Variants in ITGA2 observed in about 807,000 individuals in gnomAD.
ITGA2 encodes the protein integrin subunit alpha 2.
Under a neutral mutation model 146.3 loss-of-function variants are expected in ITGA2, and 101 were observed. That is an observed-to-expected ratio of 0.69 (90% confidence interval 0.59 to 0.81). ITGA2 has a LOEUF of 0.81. Ranked by LOEUF, ITGA2 falls within the 40% of genes least tolerant of loss-of-function variation. ITGA2 has a pLI of 0.00. For synonymous variants in ITGA2, 477 were observed against 487.1 expected (o/e 0.98, Z 0.27); for missense variants, 1,281 against 1,402.7 (o/e 0.91, Z 1.39).
chr5:52,992,233 G>T (rs376654767), intron 1 of ITGA2, among the ~76,000 whole-genome samples: 3 of 151,508 alleles, frequency 2.0e-5, no homozygotes, highest in African/African-American at 2.4e-5. Flanking sequence ...TCCTTTCCTC[G>T]CTGCTCTCCC....
chr5:53,038,113 T>C (rs1041612483), intron 2 of ITGA2, among the ~76,000 whole-genome samples: 3 of 150,968 alleles, frequency 2.0e-5, no homozygotes, highest in African/African-American at 7.3e-5. Flanking sequence ...ACAGGGAGAG[T>C]GTCCAGGGAG....
rs1308828469 is a variant in ITGA2 at position 53,090,602 on chromosome 5, C to T, written c.*3C>T. ...AGACCACAGAGCTCAGTAGCTGAAC[C>T]AGCAGACCTACCTGCAGTGGGAACC... is the stretch of plus-strand genomic sequence containing the variant. On this transcript the variant is annotated 3_prime_UTR_variant, in exon 30 of 30. Coordinates refer to ENST00000296585, the MANE Select transcript of ITGA2 (RefSeq NM_002203.4). The T allele has an allele frequency of 6.2e-7, 1 of 1,612,494 alleles. No homozygotes were observed. Among genetic ancestry groups the T allele is most frequent in the South Asian group, 1.1e-5 (1 of 91,034 alleles).
intron 1 of ITGA2, among the ~76,000 whole-genome samples, chr5:53,009,704 G>T (rs1454717817): frequency 2.0e-5 from 3 of 152,078 alleles, no homozygotes; most frequent in African/African-American, 7.2e-5. Context: ...CTGAATGTTT[G>T]TGTCTCTCCA....
rs116711458 is a variant in ITGA2, at chr5:53,004,444, G to A, written c.64+14912G>A. ...TATTTAAAAAAAAATCAGTACACTT[G>A]GTATGCATCCATTTTTATCATCATT... On this transcript the variant is annotated intron_variant, in intron 1 of 29. Coordinates refer to ENST00000296585, the MANE Select transcript of ITGA2 (RefSeq NM_002203.4). Among the ~76,000 whole-genome samples the A allele has an allele frequency of 6.0e-3, 906 of 152,116 alleles. 10 individuals carry two copies. The highest frequency in any genetic ancestry group is 0.021 in the African/African-American group (863 of 41,486).
chr5:53,051,634 A>C lies in ITGA2; in HGVS notation c.779+75A>C. Reference sequence around the variant, plus strand: ...ATTTATGTAATAAATATGAAAAAGTAAGGAAAAGACAAAGAAAAATAATAT... The same window carrying C: ...ATTTATGTAATAAATATGAAAAAGTCAGGAAAAGACAAAGAAAAATAATAT... On this transcript the variant is annotated intron_variant, in intron 7 of 29. Coordinates refer to ENST00000296585, the MANE Select transcript of ITGA2 (RefSeq NM_002203.4). The C allele has an allele frequency of 4.1e-6, 6 of 1,461,540 alleles. No individual in the cohort carries two copies. In the South Asian group the frequency reaches 7.1e-5, roughly 17 times the overall value. The allele number at this position is 1,461,540 out of a possible 1,614,324, so 90.5% of individuals were successfully genotyped here.
chr5:53,079,812 T>G (rs1450603897), intron 24 of ITGA2, among the ~76,000 whole-genome samples: 1 of 152,128 alleles, frequency 6.6e-6, no homozygotes, highest in African/African-American at 2.4e-5. Context: ...TATCAAGTGC[T>G]TTACATATGT....
At chr5:53,012,318 G>T (rs1742175166) in intron 1 of ITGA2, among the ~76,000 whole-genome samples, 1 of 152,058 alleles carries the variant, frequency 6.6e-6, no homozygotes, top group South Asian at 2.1e-4. Flanking sequence ...TCTGTTCCTG[G>T]CACCAGATAG....
chr5:53,090,441 G>A lies in ITGA2; in HGVS notation c.3466-78G>A, dbSNP rs187211734. On this transcript the variant is annotated intron_variant, in intron 29 of 29. Coordinates refer to ENST00000296585, the MANE Select transcript of ITGA2 (RefSeq NM_002203.4). ...GATTCCCAGAGGTGCATCAGAGGAC[G>A]TGGGCAGCCAAGGGGGTCAGAGGCA... 616 of 1,177,680 alleles carry A rather than the reference G, an allele frequency of 5.2e-4. 3 individuals carry two copies. The East Asian group carries it at 8.3e-3, about 16-fold the overall frequency. 73.0% of individuals were successfully genotyped at this position (1,177,680 alleles called of 1,614,324 possible).
At chr5:53,073,727 A>G (rs1478837148) in intron 20 of ITGA2, among the ~76,000 whole-genome samples, 1 of 151,710 alleles carries the variant, frequency 6.6e-6, no homozygotes, top group Admixed American at 6.6e-5. Flanking sequence ...TCCCTCCTCT[A>G]CCACCAAATT....
At chr5:52,992,032 A>T (rs551450845) in intron 1 of ITGA2, among the ~76,000 whole-genome samples, 2 of 152,084 alleles carry the variant, frequency 1.3e-5, no homozygotes, top group East Asian at 3.9e-4. Context: ...TTTTCTTACT[A>T]TCCCTGAAAC....
chr5:53,045,344 G>T (rs1214607067), intron 4 of ITGA2, among the ~76,000 whole-genome samples: 1 of 152,192 alleles, frequency 6.6e-6, no homozygotes, highest in African/African-American at 2.4e-5. Flanking sequence ...CTGATTCTTT[G>T]CCCTTGGAAA....
Position 53,055,687 on chromosome 5 carries a change from C to G in ITGA2, c.929C>G (p.Ala310Gly), listed in dbSNP as rs768316197. The G allele has an allele frequency of 1.9e-6, 3 of 1,612,844 alleles. No homozygotes were observed. In the East Asian group the frequency reaches 6.7e-5, roughly 36 times the overall value. The change falls in exon 8 of 30, where the codon GCA (alanine) becomes GGA (glycine). Residue 310 changes from alanine to glycine, a missense_variant and splice_region_variant. Physicochemically the swap from Ala to Gly is moderately conservative, Grantham distance 60. This residue lies in a region of ITGA2 where 795 missense variants were observed against 841.7 expected (regional missense o/e 0.94). Coordinates refer to ENST00000296585, the MANE Select transcript of ITGA2 (RefSeq NM_002203.4). ...NHDNILRFGI[A>G]VLGYLNRNAL... ...GACAATATACTGAGGTTTGGCATAG[C>G]AGTAAGTGGCTTTTCTTTTCACTTG...
In ITGA2 at chr5:53,091,849, A is replaced by C. The variant is rs1384955377; in HGVS notation, c.*1250A>C. 2 of 152,252 alleles carry C rather than the reference A, an allele frequency of 1.3e-5. No individual in the cohort carries two copies. The highest frequency in any genetic ancestry group is 2.9e-5 in the Non-Finnish European group (2 of 68,044). 9.4% of individuals were successfully genotyped at this position (152,252 alleles called of 1,614,324 possible). A position where few individuals can be genotyped will look rare whatever the true frequency, so the allele number is the denominator to read the frequency against. On this transcript the variant is annotated 3_prime_UTR_variant, in exon 30 of 30. Transcript: ENST00000296585. ...TTATGGGATGTAAACAATGTAAAGTAAGACATCTCAGGATTTCACCAGAAG... is the reference window on the plus strand; with the variant it reads ...TTATGGGATGTAAACAATGTAAAGTCAGACATCTCAGGATTTCACCAGAAG...
chr5:53,032,457 T>C (rs1743270648), intron 2 of ITGA2, among the ~76,000 whole-genome samples: 1 of 152,100 alleles, frequency 6.6e-6, no homozygotes, highest in South Asian at 2.1e-4. Flanking sequence ...TTACCCCCTT[T>C]ACAAATGAGA....
intron 28 of ITGA2, 39 bp from the exon 29 acceptor site, chr5:53,089,907 T>C: frequency 8.4e-7 from 1 of 1,186,750 alleles, no homozygotes; most frequent in East Asian, 2.3e-5. Flanking sequence ...CCCTTTTTTG[T>C]GGTATTAAAA....
intron 28 of ITGA2, among the ~76,000 whole-genome samples, chr5:53,087,721 C>G (rs114652626): frequency 1.3e-5 from 2 of 152,030 alleles, no homozygotes; most frequent in African/African-American, 4.8e-5. Flanking sequence ...TTCCTCTGCA[C>G]TGACTCTGGT....
Position 53,082,747 on chromosome 5 carries a change from G to A in ITGA2, c.3145-593G>A, listed in dbSNP as rs192869248. ...TGTTAAAATCCACGCTGTGGAATTT[G>A]ACAAATGTAAAATGACATGTATCCA... On this transcript the variant is annotated intron_variant, in intron 26 of 29. Coordinates refer to ENST00000296585, the MANE Select transcript of ITGA2 (RefSeq NM_002203.4). Among the ~76,000 whole-genome samples the A allele has an allele frequency of 5.9e-5, 9 of 152,258 alleles. No individual in the cohort carries two copies. The East Asian group carries it at 1.7e-3, about 29-fold the overall frequency.
intron 6 of ITGA2, among the ~76,000 whole-genome samples, chr5:53,049,114 C>G (rs1032060258): frequency 6.6e-6 from 1 of 151,870 alleles, no homozygotes; most frequent in African/African-American, 2.4e-5. Flanking sequence ...TGGGTTCAAG[C>G]GATTCTTTTG....
chr5:53,024,610 G>C (rs936392920), intron 1 of ITGA2, among the ~76,000 whole-genome samples: 3 of 152,214 alleles, frequency 2.0e-5, no homozygotes, highest in Non-Finnish European at 2.9e-5. Context: ...GAAGAAGGGT[G>C]CTGCTGCTAC....
Sources: gnomAD v4.1 joint callset for allele counts (sites outside exome capture counted in the v4.1 genomes callset) on GRCh38, gnomAD v4.1.1 for gene constraint, gnomAD v4.1.1 regional missense constraint, MANE v1.5 for transcripts, NCBI Gene and HGNC (gene_info 2026-07-23, HGNC 2026-07-21) for gene names.